Variants in EPS15 observed in about 807,000 individuals in gnomAD.
EPS15 encodes epidermal growth factor receptor pathway substrate 15.
A neutral mutation model predicts 113.8 loss-of-function variants in EPS15; 72 were observed. That is an observed-to-expected ratio of 0.63 (90% confidence interval 0.52 to 0.77). The LOEUF is 0.77. Ranked by LOEUF, EPS15 falls within the 30% of genes least tolerant of loss-of-function variation. The pLI is 0.00. For synonymous variants in EPS15, 344 were observed against 363.4 expected (o/e 0.95, Z 0.61); for missense variants, 1,048 against 1,045.8 (o/e 1.00, Z -0.03).
chr1:51,378,394 C>T lies in EPS15; in HGVS notation c.2120-12365G>A, dbSNP rs549312210. Among the ~76,000 whole-genome samples, 21 of 152,172 alleles carry T rather than the reference C, an allele frequency of 1.4e-4. No individual in the cohort carries two copies. In the East Asian group the frequency reaches 3.7e-3, roughly 27 times the overall value. On this transcript the variant is annotated intron_variant, in intron 21 of 24. Coordinates refer to ENST00000371733, the MANE Select transcript of EPS15 (RefSeq NM_001981.3). ...ATGCTGGGCCAGGTGCAGCGGCTCACACCTGTAATCCTAGCACTTTAGGAG... is the reference window on the plus strand; with the variant it reads ...ATGCTGGGCCAGGTGCAGCGGCTCATACCTGTAATCCTAGCACTTTAGGAG...
chr1:51,459,707 A>G (rs1654286573), intron 8 of EPS15, among the ~76,000 whole-genome samples: 1 of 152,092 alleles, frequency 6.6e-6, no homozygotes, highest in South Asian at 2.1e-4. Flanking sequence ...GGTTGAAAGT[A>G]TACATCAAAG....
intron 12 of EPS15, among the ~76,000 whole-genome samples, chr1:51,424,313 T>C (rs1651023641): frequency 6.6e-6 from 1 of 152,202 alleles, no homozygotes; most frequent in South Asian, 2.1e-4. Flanking sequence ...CTTGCAATGA[T>C]TCTTAACCTT....
At chr1:51,487,303 A>G (rs577409589) in intron 1 of EPS15, among the ~76,000 whole-genome samples, 13 of 152,336 alleles carry the variant, frequency 8.5e-5, no homozygotes, top group African/African-American at 3.1e-4. Flanking sequence ...TAAATATTCA[A>G]CTGAAGTCCA....
chr1:51,366,015 C>G lies in EPS15; in HGVS notation c.2134G>C (p.Ala712Pro). The change falls in exon 22 of 25, where the codon GCT (alanine) becomes CCT (proline). Residue 712 changes from alanine (A) to proline (P), a missense_variant. Ala to Pro is a conservative substitution (Grantham distance 27). Transcript: ENST00000371733. ...AASDSATDPF[A>P]SVFGNESFGG... ...AATGATTCATTCCCAAAAACAGAAG[C>G]AAAGGGGTCTGTGGCTAAAATGAAT... The G allele has an allele frequency of 6.2e-7, 1 of 1,612,118 alleles. No individual in the cohort carries two copies. The highest frequency in any genetic ancestry group is 8.5e-7 in the Non-Finnish European group (1 of 1,178,858).
At chr1:51,445,183 A>G in intron 10 of EPS15, 138 bp from the exon 11 acceptor site, 1 of 748,712 alleles carries the variant, frequency 1.3e-6, no homozygotes, top group Non-Finnish European at 2.1e-6. Flanking sequence ...AGGTTATTAA[A>G]AACTCACTCA....
intron 1 of EPS15, among the ~76,000 whole-genome samples, chr1:51,500,373 T>C (rs562781301): frequency 6.6e-6 from 1 of 152,356 alleles, no homozygotes; most frequent in South Asian, 2.1e-4. Flanking sequence ...TTTGAGGAAC[T>C]GCCATACTGT....
intron 21 of EPS15, among the ~76,000 whole-genome samples, chr1:51,389,242 G>A (rs1647189809): frequency 2.0e-5 from 3 of 152,220 alleles, no homozygotes; most frequent in African/African-American, 7.2e-5. Context: ...AATAGATGCA[G>A]AAAAGGCCTT....
intron 8 of EPS15, among the ~76,000 whole-genome samples, chr1:51,453,945 G>A (rs1392478558): frequency 6.6e-6 from 1 of 151,190 alleles, no homozygotes; most frequent in Non-Finnish European, 1.5e-5. Flanking sequence ...AGCTACTCTG[G>A]AGGCTGAGGC....
chr1:51,385,269 T>C (rs1044132882), intron 21 of EPS15, among the ~76,000 whole-genome samples: 15 of 152,106 alleles, frequency 9.9e-5, no homozygotes, highest in East Asian at 1.9e-4. Flanking sequence ...CTTGAATAGG[T>C]ATTTCTCCAT....
At chr1:51,459,982 T>C (rs1308047981) in intron 8 of EPS15, among the ~76,000 whole-genome samples, 1 of 152,102 alleles carries the variant, frequency 6.6e-6, no homozygotes, top group African/African-American at 2.4e-5. Context: ...GGGAATTAAA[T>C]GTTAAACATC....
At chr1:51,387,898 T>A (rs1400662564) in intron 21 of EPS15, among the ~76,000 whole-genome samples, 2 of 152,296 alleles carry the variant, frequency 1.3e-5, no homozygotes, top group East Asian at 1.9e-4. Context: ...ACTGTTAACA[T>A]TAGACAGATC....
At chr1:51,484,427 A>T (rs890664483) in intron 1 of EPS15, among the ~76,000 whole-genome samples, 2 of 152,050 alleles carry the variant, frequency 1.3e-5, no homozygotes, top group African/African-American at 4.8e-5. Context: ...TAAAAAATTA[A>T]ATTAAATTTT....
rs574329427 is a variant in EPS15, at chr1:51,411,739, A to C, written c.1114-2043T>G. ...CTGGAGAGGATGTGGAGAAACAGGA[A>C]CGCTTTTACACTGTTAGTGGGAGTG... On this transcript the variant is annotated intron_variant, in intron 13 of 24. Coordinates refer to ENST00000371733, the MANE Select transcript of EPS15 (RefSeq NM_001981.3). Among the ~76,000 whole-genome samples the C allele has an allele frequency of 2.3e-4, 35 of 152,314 alleles. No homozygotes were observed. The South Asian group carries it at 6.6e-3, about 29-fold the overall frequency.
chr1:51,446,036 T>G (rs925108106), intron 10 of EPS15, among the ~76,000 whole-genome samples: 2 of 152,240 alleles, frequency 1.3e-5, no homozygotes, highest in African/African-American at 4.8e-5. Context: ...CTTGTTTCTT[T>G]TAAGGCAGAT....
At chr1:51,377,046 C>T (rs1001280133) in intron 21 of EPS15, among the ~76,000 whole-genome samples, 3 of 152,046 alleles carry the variant, frequency 2.0e-5, no homozygotes, top group African/African-American at 4.8e-5. Context: ...CGGGGTGGAT[C>T]GCCTGAGGTC....
Position 51,461,084 on chromosome 1 carries a change from T to C in EPS15, c.561+7A>G. 2 of 1,561,180 alleles carry C rather than the reference T, an allele frequency of 1.3e-6. No homozygotes were observed. The highest frequency in any genetic ancestry group is 3.4e-4 in the Middle Eastern group (2 of 5,960). On this transcript the variant is annotated splice_region_variant and intron_variant, in intron 8 of 24. Transcript: ENST00000371733. ...AATGAAGATGTTAAGAACATTAGAT[T>C]ACTTACAACTGCAAACTCATCTCTG... is the stretch of plus-strand genomic sequence containing the variant.
At chr1:51,364,172 G>T in intron 22 of EPS15, 144 bp from the exon 23 acceptor site, 1 of 571,430 alleles carries the variant, frequency 1.7e-6, no homozygotes, top group Non-Finnish European at 2.7e-6. Flanking sequence ...TTGCATTCAG[G>T]GTCCAATGGG....
rs540055665 is a variant in EPS15 at position 51,411,868 on chromosome 1, A to G, written c.1114-2172T>C. ...AATCCCATTACTGGGTATATACCCAAAGGATTATAAATCATTCCACTATAA... is the reference window on the plus strand; with the variant it reads ...AATCCCATTACTGGGTATATACCCAGAGGATTATAAATCATTCCACTATAA... On this transcript the variant is annotated intron_variant, in intron 13 of 24. Coordinates refer to ENST00000371733, the MANE Select transcript of EPS15 (RefSeq NM_001981.3). Among the ~76,000 whole-genome samples, 5 of 152,332 alleles carry G rather than the reference A, an allele frequency of 3.3e-5. No individual in the cohort carries two copies. In the East Asian group the frequency reaches 9.6e-4, roughly 29 times the overall value.
intron 8 of EPS15, chr1:51,459,023 A>T (rs1172579195): frequency 1.3e-5 from 2 of 152,216 alleles, no homozygotes; most frequent in Non-Finnish European, 2.9e-5. Flanking sequence ...TCAAATTAAA[A>T]TTAAAAAGAT....
Sources: allele counts gnomAD v4.1 joint callset (sites outside exome capture counted in the v4.1 genomes callset), GRCh38; gene constraint gnomAD v4.1.1; transcripts MANE v1.5; gene names NCBI Gene and HGNC (gene_info 2026-07-23, HGNC 2026-07-21).